The following NKAIN2 variants were observed in gnomAD, a reference collection of about 807,000 sequenced individuals.
NKAIN2 encodes the protein sodium/potassium-transporting ATPase subunit beta-1-interacting protein 2.
A neutral mutation model predicts 32.6 loss-of-function variants in NKAIN2; 14 were observed. The ratio of observed to expected loss-of-function variants is 0.43; its 90% confidence interval spans 0.28 to 0.67. The LOEUF is 0.67. NKAIN2 is among the 30% of genes least tolerant of loss of function. The pLI, the probability that NKAIN2 is intolerant of heterozygous loss-of-function variation, is 0.17. For synonymous variants in NKAIN2, 80 were observed against 87.2 expected (o/e 0.92, Z 0.46); for missense variants, 198 against 258.3 (o/e 0.77, Z 1.60).
chr6:124,311,028 C>G (rs554985128), intron 2 of NKAIN2, among the ~76,000 whole-genome samples: 1 of 152,074 alleles, frequency 6.6e-6, no homozygotes, highest in Non-Finnish European at 1.5e-5. Context: ...AATTTCCTTC[C>G]GTAAGTAAAA....
At chr6:124,453,102 A>G (rs1776173499) in intron 3 of NKAIN2, among the ~76,000 whole-genome samples, 1 of 152,044 alleles carries the variant, frequency 6.6e-6, no homozygotes, top group South Asian at 2.1e-4. Context: ...GGACAGTTTT[A>G]GGTCATTTCT....
At chr6:124,191,048 G>C (rs998679964) in intron 1 of NKAIN2, among the ~76,000 whole-genome samples, 51 of 152,154 alleles carry the variant, frequency 3.4e-4, no homozygotes, top group African/African-American at 1.2e-3. Flanking sequence ...GTTTATGTGA[G>C]GTTCACGCTT....
chr6:123,971,346 ATATAT>A (rs1325097585), intron 1 of NKAIN2, among the ~76,000 whole-genome samples: 4 of 151,354 alleles, frequency 2.6e-5, no homozygotes, highest in African/African-American at 9.7e-5. Flanking sequence ...ATTATATAAA[ATATAT>A]TAATATAGTA....
At chr6:124,724,166 T>C (rs1420340822) in intron 4 of NKAIN2, among the ~76,000 whole-genome samples, 1 of 152,102 alleles carries the variant, frequency 6.6e-6, no homozygotes, top group Non-Finnish European at 1.5e-5. Flanking sequence ...CCAGCTAAAC[T>C]GTCTGCCATT....
chr6:124,091,215 G>A (rs1784402915), intron 1 of NKAIN2, among the ~76,000 whole-genome samples: 1 of 151,928 alleles, frequency 6.6e-6, no homozygotes, highest in African/African-American at 2.4e-5. Context: ...CCATAAACCA[G>A]TGAAGCTATA....
chr6:124,635,126 C>T (rs1459477731), intron 3 of NKAIN2, among the ~76,000 whole-genome samples: 3 of 151,918 alleles, frequency 2.0e-5, no homozygotes, highest in Non-Finnish European at 1.5e-5. Flanking sequence ...GCCAAGAATA[C>T]TATGCACAGC....
intron 4 of NKAIN2, among the ~76,000 whole-genome samples, chr6:124,732,094 T>G (rs540946250): frequency 5.4e-4 from 82 of 152,004 alleles, no homozygotes; most frequent in Non-Finnish European, 1.1e-3. Flanking sequence ...TATTAAAGAA[T>G]TTATCATGAA....
At chr6:124,790,804 G>A (rs1358581263) in intron 4 of NKAIN2, among the ~76,000 whole-genome samples, 5 of 151,992 alleles carry the variant, frequency 3.3e-5, no homozygotes, top group East Asian at 3.9e-4. Context: ...TGTCCATCTC[G>A]TCACTTCTCT....
chr6:124,424,216 A>C (rs1774881539), intron 3 of NKAIN2, among the ~76,000 whole-genome samples: 1 of 152,088 alleles, frequency 6.6e-6, no homozygotes, highest in African/African-American at 2.4e-5. Flanking sequence ...GATGGTCTCC[A>C]TCTCCTGACC....
chr6:123,986,131 T>C (rs1279191783), intron 1 of NKAIN2, among the ~76,000 whole-genome samples: 1 of 152,082 alleles, frequency 6.6e-6, no homozygotes, highest in African/African-American at 2.4e-5. Context: ...ACTTTAAACA[T>C]GCTACAGAAA....
chr6:123,885,439 ATG>A lies in NKAIN2; in HGVS notation c.54+81187_54+81188del, dbSNP rs1773667599. ...CATTGGTATTGAAAAAGGAAAAAAG[ATG>A]TTTAGGTAGGAATTTTTGTCATTGA... is the stretch of plus-strand genomic sequence containing the variant. On this transcript the variant is annotated intron_variant, in intron 1 of 6. Coordinates refer to ENST00000368417, the MANE Select transcript of NKAIN2 (RefSeq NM_001040214.3). Among the ~76,000 whole-genome samples, 5 of 152,238 alleles carry A rather than the reference ATG, an allele frequency of 3.3e-5. No individual in the cohort carries two copies. In the South Asian group the frequency reaches 1.0e-3, roughly 32 times the overall value.
chr6:124,128,294 T>C (rs1786282201), intron 1 of NKAIN2, among the ~76,000 whole-genome samples: 2 of 152,216 alleles, frequency 1.3e-5, no homozygotes, highest in Admixed American at 1.3e-4. Flanking sequence ...GGAAATGTTC[T>C]ATAATATAGA....
chr6:124,589,142 G>A (rs1474425175), intron 3 of NKAIN2, among the ~76,000 whole-genome samples: 1 of 152,086 alleles, frequency 6.6e-6, no homozygotes, highest in African/African-American at 2.4e-5. Flanking sequence ...CAATATGAAA[G>A]AAACAGAAAT....
At chr6:124,622,159 C>T (rs1316896400) in intron 3 of NKAIN2, among the ~76,000 whole-genome samples, 1 of 152,196 alleles carries the variant, frequency 6.6e-6, no homozygotes, top group Non-Finnish European at 1.5e-5. Context: ...CTTCTTCTAG[C>T]TTTGATGGCT....
At chr6:124,309,792 C>G (rs532485305) in intron 2 of NKAIN2, among the ~76,000 whole-genome samples, 4 of 152,202 alleles carry the variant, frequency 2.6e-5, no homozygotes, top group East Asian at 3.9e-4. Flanking sequence ...ATGACACTCA[C>G]TAGTCATCCT....
At chr6:123,929,756 A>G (rs547429523) in intron 1 of NKAIN2, among the ~76,000 whole-genome samples, 1 of 152,216 alleles carries the variant, frequency 6.6e-6, no homozygotes, top group East Asian at 1.9e-4. Context: ...CTTATCTGAA[A>G]TGCTGGGGAC....
chr6:123,951,233 T>A (rs1276029756), intron 1 of NKAIN2, among the ~76,000 whole-genome samples: 1 of 152,010 alleles, frequency 6.6e-6, no homozygotes, highest in Non-Finnish European at 1.5e-5. Context: ...GTGTGTTCTG[T>A]GGCTGTTGGG....
intron 3 of NKAIN2, among the ~76,000 whole-genome samples, chr6:124,357,708 T>G (rs908226264): frequency 1.3e-5 from 2 of 152,152 alleles, no homozygotes; most frequent in African/African-American, 4.8e-5. Flanking sequence ...TGGATATTGG[T>G]AAGAGGTAAT....
intron 1 of NKAIN2, among the ~76,000 whole-genome samples, chr6:124,231,718 C>A (rs1048341228): frequency 6.6e-6 from 1 of 152,056 alleles, no homozygotes; most frequent in African/African-American, 2.4e-5. Context: ...GCCATGATTG[C>A]GAGGCCTCCC....
Sources: gnomAD v4.1 joint callset for allele counts (sites outside exome capture counted in the v4.1 genomes callset) on GRCh38, gnomAD v4.1.1 for gene constraint, MANE v1.5 for transcripts, NCBI Gene and HGNC (gene_info 2026-07-23, HGNC 2026-07-21) for gene names.